The following TMTC2 variants were observed in gnomAD, a reference collection of about 807,000 sequenced individuals.
TMTC2 encodes protein O-mannosyl-transferase TMTC2.
Under a neutral mutation model 82.4 loss-of-function variants are expected in TMTC2, and 43 were observed. The observed-to-expected ratio is 0.52, with a 90% CI of 0.41 to 0.67. The LOEUF is 0.67. Ranked by LOEUF, TMTC2 falls within the 30% of genes least tolerant of loss-of-function variation. TMTC2 has a pLI of 0.00. For synonymous variants in TMTC2, 408 were observed against 381.9 expected (o/e 1.07, Z -0.80); for missense variants, 919 against 1,012.4 (o/e 0.91, Z 1.25).
intron 1 of TMTC2, among the ~76,000 whole-genome samples, chr12:82,694,494 G>A (rs1872705432): frequency 6.6e-6 from 1 of 152,174 alleles, no homozygotes; most frequent in Non-Finnish European, 1.5e-5. Flanking sequence ...TATGCTATTT[G>A]CTTATGATGA....
At chr12:82,861,890 G>A (rs1450488589) in intron 2 of TMTC2, among the ~76,000 whole-genome samples, 5 of 151,998 alleles carry the variant, frequency 3.3e-5, no homozygotes, top group African/African-American at 1.2e-4. Context: ...CATACATCTG[G>A]CTTATAGTAG....
At chr12:83,094,887 C>T (rs1042914932) in intron 11 of TMTC2, among the ~76,000 whole-genome samples, 2 of 152,012 alleles carry the variant, frequency 1.3e-5, no homozygotes, top group Non-Finnish European at 2.9e-5. Context: ...ATCCTGGAAG[C>T]GTGTCATGCA....
chr12:82,999,176 G>C (rs2137363721), intron 8 of TMTC2, among the ~76,000 whole-genome samples: 1 of 152,192 alleles, frequency 6.6e-6, no homozygotes, highest in South Asian at 2.1e-4. Context: ...TCCTCTTGCT[G>C]TGACAGTTTC....
intron 3 of TMTC2, among the ~76,000 whole-genome samples, chr12:82,903,728 TA>T (rs939470271): frequency 6.0e-4 from 92 of 152,212 alleles, no homozygotes; most frequent in Admixed American, 1.4e-3. Flanking sequence ...TTTTACATTT[TA>T]AAAAATGGCA....
intron 11 of TMTC2, among the ~76,000 whole-genome samples, chr12:83,084,723 A>G (rs934020758): frequency 6.6e-6 from 1 of 152,220 alleles, no homozygotes; most frequent in Admixed American, 6.5e-5. Flanking sequence ...AGAGGAAAAC[A>G]CCAGTGGAGG....
At chr12:82,995,170 G>A (rs574595835) in intron 8 of TMTC2, among the ~76,000 whole-genome samples, 10 of 152,006 alleles carry the variant, frequency 6.6e-5, no homozygotes, top group East Asian at 1.9e-4. Flanking sequence ...TTTGAGTATC[G>A]CTCCTTGTTA....
intron 1 of TMTC2, among the ~76,000 whole-genome samples, chr12:82,790,611 C>G (rs1388206606): frequency 6.6e-6 from 1 of 151,664 alleles, no homozygotes; most frequent in Non-Finnish European, 1.5e-5. Flanking sequence ...GGAGGATCAC[C>G]TGAGGTCAGG....
chr12:82,894,965 A>ATTT (rs538079811), intron 2 of TMTC2, among the ~76,000 whole-genome samples: 2 of 122,410 alleles, frequency 1.6e-5, no homozygotes, highest in African/African-American at 6.4e-5. Context: ...ATGCCTGGCA[A>ATTT]TTTTTTTTTT....
At chr12:83,108,972 TCACGTAAGATC>T (rs1269849760) in intron 11 of TMTC2, among the ~76,000 whole-genome samples, 2 of 152,194 alleles carry the variant, frequency 1.3e-5, no homozygotes, top group Non-Finnish European at 2.9e-5. Context: ...TCACTTCTGT[TCACGTAAGATC>T]CATTCCATTT....
chr12:82,815,289 T>G lies in TMTC2; in HGVS notation c.84-41721T>G, dbSNP rs1054555093. On this transcript the variant is annotated intron_variant, in intron 1 of 11. Transcript: ENST00000321196. ...TCACGCCATTCTTTTGCGCATTTATTTTTTTTAATTAATTAATTAATTATT... is the reference window on the plus strand; with the variant it reads ...TCACGCCATTCTTTTGCGCATTTATGTTTTTTAATTAATTAATTAATTATT... 8.4e-4 allele frequency among the ~76,000 whole-genome samples: 126 copies of G among 149,526 alleles called. 1 individual carries two copies. The highest frequency in any genetic ancestry group is 1.7e-3 in the Admixed American group (25 of 15,034).
At chr12:82,896,722 AAC>A (rs1349960478) in intron 3 of TMTC2, 76 bp downstream of exon 3, 1 of 1,196,936 alleles carries the variant, frequency 8.4e-7, no homozygotes, top group Non-Finnish European at 1.2e-6. Context: ...CTTGTCTTAA[AAC>A]ACAGTATTAA....
chr12:83,024,706 A>G (rs1274289727), intron 8 of TMTC2, among the ~76,000 whole-genome samples: 1 of 152,190 alleles, frequency 6.6e-6, no homozygotes, highest in Non-Finnish European at 1.5e-5. Flanking sequence ...GTAATCACCA[A>G]TTAAGATACA....
chr12:82,936,956 C>T (rs1876352827), intron 4 of TMTC2, among the ~76,000 whole-genome samples: 1 of 152,048 alleles, frequency 6.6e-6, no homozygotes, highest in Admixed American at 6.6e-5. Flanking sequence ...AGTGATAAGA[C>T]TAGTAATGAG....
At chr12:83,071,790 G>T (rs976972594) in intron 11 of TMTC2, among the ~76,000 whole-genome samples, 1 of 151,970 alleles carries the variant, frequency 6.6e-6, no homozygotes, top group African/African-American at 2.4e-5. Flanking sequence ...ATTTATATGT[G>T]TCAAGGTGTT....
At chr12:83,003,624 T>A (rs1880021462) in intron 8 of TMTC2, among the ~76,000 whole-genome samples, 1 of 152,156 alleles carries the variant, frequency 6.6e-6, no homozygotes, top group South Asian at 2.1e-4. Flanking sequence ...AATGAATTCC[T>A]TTAGTATTTA....
chr12:83,049,680 TA>T (rs1173045743), intron 9 of TMTC2, among the ~76,000 whole-genome samples: 1 of 152,250 alleles, frequency 6.6e-6, no homozygotes. Flanking sequence ...ATGTACACAA[TA>T]ATGGGATTGC....
At chr12:82,973,494 A>C (rs986094594) in intron 7 of TMTC2, among the ~76,000 whole-genome samples, 2 of 152,288 alleles carry the variant, frequency 1.3e-5, no homozygotes, top group East Asian at 1.9e-4. Context: ...TATGTATCAA[A>C]AATAATGAAT....
At chr12:82,892,004 T>C (rs1019909829) in intron 2 of TMTC2, among the ~76,000 whole-genome samples, 1 of 152,128 alleles carries the variant, frequency 6.6e-6, no homozygotes, top group Non-Finnish European at 1.5e-5. Flanking sequence ...AGGTTGAGGC[T>C]GCAGTAAGCC....
At chr12:82,872,842 G>A (rs994589087) in intron 2 of TMTC2, among the ~76,000 whole-genome samples, 2 of 152,154 alleles carry the variant, frequency 1.3e-5, no homozygotes, top group African/African-American at 2.4e-5. Flanking sequence ...GGCCAGTGAC[G>A]TATGATTTTG....
Sources: gnomAD v4.1 joint callset for allele counts (sites outside exome capture counted in the v4.1 genomes callset) on GRCh38, gnomAD v4.1.1 for gene constraint, MANE v1.5 for transcripts, NCBI Gene and HGNC (gene_info 2026-07-23, HGNC 2026-07-21) for gene names.